The following CTNNA2 variants were observed in gnomAD, a reference collection of about 807,000 sequenced individuals.
CTNNA2 encodes the protein catenin alpha 2.
Under a neutral mutation model 101.0 loss-of-function variants are expected in CTNNA2, and 42 were observed. The observed-to-expected ratio is 0.42, with a 90% CI of 0.32 to 0.54. The LOEUF is 0.54. Ranked by LOEUF, CTNNA2 falls within the 20% of genes least tolerant of loss-of-function variation. The pLI is 0.14. For synonymous variants in CTNNA2, 450 were observed against 456.4 expected (o/e 0.99, Z 0.18); for missense variants, 871 against 1,223.1 (o/e 0.71, Z 4.29).
chr2:80,081,383 G>C (rs1021797399), intron 7 of CTNNA2, among the ~76,000 whole-genome samples: 1 of 151,668 alleles, frequency 6.6e-6, no homozygotes, highest in Non-Finnish European at 1.5e-5. Flanking sequence ...AACATGGGGG[G>C]GCTGTTTTCG....
intron 7 of CTNNA2, among the ~76,000 whole-genome samples, chr2:80,118,391 A>G (rs1701644532): frequency 6.6e-6 from 1 of 152,232 alleles, no homozygotes; most frequent in South Asian, 2.1e-4. Context: ...AGCTCTTTCC[A>G]AACTCTGCCT....
chr2:80,154,457 G>A (rs1198949269), intron 7 of CTNNA2, among the ~76,000 whole-genome samples: 3 of 152,172 alleles, frequency 2.0e-5, no homozygotes, highest in African/African-American at 4.8e-5. Context: ...GGAATAAACC[G>A]AGCTAAGAAA....
chr2:80,142,008 G>A (rs1195576078), intron 7 of CTNNA2, among the ~76,000 whole-genome samples: 1 of 152,080 alleles, frequency 6.6e-6, no homozygotes, highest in African/African-American at 2.4e-5. Flanking sequence ...AATTCTGACT[G>A]CTGTTCTTTG....
At chr2:79,849,885 G>T (rs1254799181) in intron 3 of CTNNA2, among the ~76,000 whole-genome samples, 4 of 152,146 alleles carry the variant, frequency 2.6e-5, no homozygotes, top group Non-Finnish European at 4.4e-5. Context: ...AATGTAAAGT[G>T]CCAGGCAGGC....
At position 80,319,046 on chromosome 2, in the gene CTNNA2, C is replaced by G. The variant is rs78960104; in HGVS notation, c.1057-74165C>G. 0.012 allele frequency among the ~76,000 whole-genome samples: 1,841 copies of G among 152,214 alleles called. 70 individuals carry two copies. The East Asian group carries it at 0.14, about 12-fold the overall frequency. On this transcript the variant is annotated intron_variant, in intron 7 of 18. Transcript: ENST00000402739. ...GGTATTATCAAATAAAGATTCTCAC[C>G]CTTTATCAAACCCCATCACAGATGG...
chr2:79,257,040 T>C (rs1008584159), intron 2 of CTNNA2, among the ~76,000 whole-genome samples: 1 of 152,196 alleles, frequency 6.6e-6, no homozygotes, highest in Non-Finnish European at 1.5e-5. Flanking sequence ...AGTAATCTGA[T>C]CTAGGAGGAT....
intron 4 of CTNNA2, among the ~76,000 whole-genome samples, chr2:79,864,737 T>C (rs1481365536): frequency 1.3e-5 from 2 of 152,134 alleles, no homozygotes; most frequent in Non-Finnish European, 2.9e-5. Flanking sequence ...ACTCACCCTT[T>C]CTGAAAAATC....
At chr2:79,915,819 C>T (rs1207698404) in intron 7 of CTNNA2, among the ~76,000 whole-genome samples, 2 of 152,096 alleles carry the variant, frequency 1.3e-5, no homozygotes, top group African/African-American at 4.8e-5. Flanking sequence ...TTTAAGTTGG[C>T]TGTATATTAC....
rs539982948 is a variant in CTNNA2 at position 79,756,243 on chromosome 2, C to T, written c.298+11661C>T. On this transcript the variant is annotated intron_variant, in intron 3 of 18. Transcript: ENST00000402739. ...AGCAATGGTTTATTGTTTGCCACTC[C>T]ATTTGTAAGAAACTTTGTATATAGT... 3.3e-5 allele frequency among the ~76,000 whole-genome samples: 5 copies of T among 152,274 alleles called. No individual in the cohort carries two copies. The East Asian group carries it at 7.7e-4, about 24-fold the overall frequency.
intron 2 of CTNNA2, among the ~76,000 whole-genome samples, chr2:79,678,397 G>A (rs1683331628): frequency 5.9e-5 from 9 of 151,948 alleles, no homozygotes; most frequent in Admixed American, 5.2e-4. Flanking sequence ...CCAAAAGTTA[G>A]TTGGGTGTGG....
At chr2:79,935,653 T>A (rs2104438367) in intron 7 of CTNNA2, among the ~76,000 whole-genome samples, 1 of 152,350 alleles carries the variant, frequency 6.6e-6, no homozygotes, top group African/African-American at 2.4e-5. Flanking sequence ...ATTGTAGTTA[T>A]ACGAAGACTA....
chr2:80,540,629 A>G (rs1691473568), intron 9 of CTNNA2, among the ~76,000 whole-genome samples: 1 of 151,534 alleles, frequency 6.6e-6, no homozygotes, highest in African/African-American at 2.4e-5. Context: ...TGAGATACCT[A>G]CTGTGTATAG....
At chr2:79,702,925 C>T (rs1316899036) in intron 2 of CTNNA2, among the ~76,000 whole-genome samples, 3 of 152,132 alleles carry the variant, frequency 2.0e-5, no homozygotes, top group Non-Finnish European at 4.4e-5. Context: ...TGTGTGTCCT[C>T]GCCCTCTCTG....
intron 2 of CTNNA2, among the ~76,000 whole-genome samples, chr2:79,226,402 G>T (rs1037717492): frequency 2.6e-5 from 4 of 152,112 alleles, no homozygotes; most frequent in Non-Finnish European, 5.9e-5. Context: ...TATGTAAAGT[G>T]CTTAGCACAG....
intron 7 of CTNNA2, among the ~76,000 whole-genome samples, chr2:80,154,815 T>G (rs1223974753): frequency 1.3e-5 from 2 of 152,198 alleles, no homozygotes; most frequent in Non-Finnish European, 2.9e-5. Flanking sequence ...TTCTCAAACT[T>G]TTTAATTTCC....
chr2:80,234,063 T>C (rs74404485), intron 7 of CTNNA2, among the ~76,000 whole-genome samples: 1 of 152,110 alleles, frequency 6.6e-6, no homozygotes, highest in South Asian at 2.1e-4. Flanking sequence ...GTTTTTTTTT[T>C]TGAGATGGCA....
At chr2:79,733,800 T>G (rs1687350196) in intron 2 of CTNNA2, among the ~76,000 whole-genome samples, 1 of 152,130 alleles carries the variant, frequency 6.6e-6, no homozygotes, top group African/African-American at 2.4e-5. Flanking sequence ...ATAGAGTATG[T>G]GCACCCTGTG....
intron 1 of CTNNA2, among the ~76,000 whole-genome samples, chr2:79,532,010 C>T (rs1428991738): frequency 6.6e-6 from 1 of 152,058 alleles, no homozygotes; most frequent in African/African-American, 2.4e-5. Flanking sequence ...ATAAATCCTC[C>T]ATATGAATAA....
chr2:79,414,039 C>G (rs114921167), intron 4 of CTNNA2, among the ~76,000 whole-genome samples: 1 of 149,068 alleles, frequency 6.7e-6, no homozygotes, highest in African/African-American at 2.5e-5. Flanking sequence ...CTCAGGCATG[C>G]GGTTTTTTTA....
Sources: allele counts gnomAD v4.1 joint callset (sites outside exome capture counted in the v4.1 genomes callset), GRCh38; gene constraint gnomAD v4.1.1; transcripts MANE v1.5; gene names NCBI Gene and HGNC (gene_info 2026-07-23, HGNC 2026-07-21).